Variants in EPHA1 observed in about 807,000 individuals in gnomAD.
The protein encoded by EPHA1 is ephrin type-A receptor 1.
EPHA1 carries 92 observed loss-of-function variants against 110.1 expected under a neutral mutation model. That is an observed-to-expected ratio of 0.84 (90% confidence interval 0.71 to 0.99). The LOEUF (loss-of-function observed/expected upper bound fraction) is 0.99, where lower values mean the gene tolerates loss of function less well. Among genes scored for constraint, EPHA1 ranks in the 50% least tolerant of loss-of-function variants. EPHA1 has a pLI of 0.00. For missense variants in EPHA1, 1,204 were observed against 1,285.4 expected, an observed-to-expected ratio of 0.94 and a Z score of 0.97; for synonymous variants, 500 against 516.1, an observed-to-expected ratio of 0.97 and a Z score of 0.42.
chr7:143,397,043 C>A (rs184055138), intron 10 of EPHA1, among the ~76,000 whole-genome samples: 1 of 152,158 alleles, frequency 6.6e-6, no homozygotes, highest in African/African-American at 2.4e-5. Context: ...GACAAGACAG[C>A]GGCACCAGCA....
At chr7:143,391,833 G>T in intron 16 of EPHA1, 58 bp from the exon 17 acceptor site, 1 of 1,590,588 alleles carries the variant, frequency 6.3e-7, no homozygotes. Flanking sequence ...GGTTGGCCTT[G>T]GCCTCTGAGC....
chr7:143,394,913 G>T lies in EPHA1; in HGVS notation c.2247C>A (p.Asp749Glu). The change falls in exon 14 of 18, where the codon GAC becomes GAA. Residue 749 changes from aspartate to glutamate, a missense_variant. Physicochemically the swap from Asp to Glu is conservative, Grantham distance 45 (BLOSUM62 2). Transcript: ENST00000275815. ...TCACCAAGATGTTTCTGGCAGCCAGGTCCCGGTGGACATAATTGTGATTAC... is the reference window on the plus strand; with the variant it reads ...TCACCAAGATGTTTCTGGCAGCCAGTTCCCGGTGGACATAATTGTGATTAC... ...YLSNHNYVHR[D>E]LAARNILVNQ... 1 of 1,614,170 alleles carries T rather than the reference G, an allele frequency of 6.2e-7. No individual in the cohort carries two copies. Among genetic ancestry groups the T allele is most frequent in the Admixed American group, 1.7e-5 (1 of 60,024 alleles).
chr7:143,391,611 G>A lies in EPHA1; in HGVS notation c.2852+9C>T, dbSNP rs1336313638. On this transcript the variant is annotated intron_variant, in intron 17 of 17. Coordinates refer to ENST00000275815, the MANE Select transcript of EPHA1 (RefSeq NM_005232.5). ...GCCCTCCCCTGCCCAGACAGCTCCAGCTCCTTACTCAGCGGTCAGCTCCAG... is the reference window on the plus strand; with the variant it reads ...GCCCTCCCCTGCCCAGACAGCTCCAACTCCTTACTCAGCGGTCAGCTCCAG... 6.2e-7 allele frequency: 1 copy of A among 1,614,038 alleles called. No individual in the cohort carries two copies. The highest frequency in any genetic ancestry group is 1.3e-5 in the African/African-American group (1 of 74,922).
chr7:143,406,381 G>T (rs1805548900), intron 2 of EPHA1, among the ~76,000 whole-genome samples: 1 of 152,228 alleles, frequency 6.6e-6, no homozygotes, highest in Non-Finnish European at 1.5e-5. Flanking sequence ...TCCCTGCAGG[G>T]TGGCTCGCCT....
rs112594963 is a variant in EPHA1 at position 143,397,708 on chromosome 7, T to C, written c.1616-51A>G. On this transcript the variant is annotated intron_variant, in intron 8 of 17. Transcript: ENST00000275815. ...TGTTGGGACTCACAGTCCGTAGGAATGAGGGGGGTTAAAGGGCAGGGCCCT... is the reference window on the plus strand; with the variant it reads ...TGTTGGGACTCACAGTCCGTAGGAACGAGGGGGGTTAAAGGGCAGGGCCCT... 136 of 1,605,624 alleles carry C rather than the reference T, an allele frequency of 8.5e-5. 2 individuals are homozygous for C. The African/African-American group carries it at 1.2e-3, about 14-fold the overall frequency.
chr7:143,398,683 A>T lies in EPHA1; in HGVS notation c.1254T>A (p.Asn418Lys). Residue 418 changes from asparagine to lysine, a missense_variant, in exon 6 of 18, where the codon AAT becomes AAA. By Grantham distance (94) the Asn-to-Lys change is moderately conservative. Coordinates refer to ENST00000275815, the MANE Select transcript of EPHA1 (RefSeq NM_005232.5). ...CTGACACTCCATTTTGGGCTTCCAC[A>T]TTAAAGGTGTAGTTGGCATAAGGTT... ...GLEPYANYTF[N>K]VEAQNGVSGL... is the part of the protein sequence containing the mutation. 6.2e-7 allele frequency: 1 copy of T among 1,614,030 alleles called. No homozygotes were observed. Among genetic ancestry groups the T allele is most frequent in the Non-Finnish European group, 8.5e-7 (1 of 1,179,972 alleles).
chr7:143,394,128 AG>A (rs1230122928), intron 15 of EPHA1, 65 bp downstream of exon 15: 1 of 1,544,162 alleles, frequency 6.5e-7, no homozygotes, highest in African/African-American at 1.4e-5. Context: ...AGGCCATGGG[AG>A]GACCTTGGGA....
At position 143,391,645 on chromosome 7, in the gene EPHA1, C is replaced by G. The variant is rs1162277611; in HGVS notation, c.2827G>C (p.Glu943Gln). 3 of 1,614,028 alleles carry G rather than the reference C, an allele frequency of 1.9e-6. No individual in the cohort carries two copies. Among genetic ancestry groups the G allele is most frequent in the Non-Finnish European group, 2.5e-6 (3 of 1,180,036 alleles). ...TCAGCGGTCAGCTCCAGCACACACT[C>G]CATGGTGTCCAGCCCAGCCGAGTGG... ...HFHSAGLDTM[E>Q]CVLELTAEDL... Residue 943 changes from glutamate (E) to glutamine (Q), a missense_variant, in exon 17 of 18, where the codon GAG becomes CAG. Transcript: ENST00000275815.
rs1445529024 is a variant in EPHA1 at position 143,398,860 on chromosome 7, C to T, written c.1077G>A (p.Gly359=). The T allele has an allele frequency of 6.2e-7, 1 of 1,613,514 alleles. No individual in the cohort carries two copies. Among genetic ancestry groups the T allele is most frequent in the Admixed American group, 1.7e-5 (1 of 60,002 alleles). The change falls in exon 6 of 18, where the codon GGG becomes GGA. Residue 359 remains glycine (G), a synonymous_variant. Coordinates refer to ENST00000275815, the MANE Select transcript of EPHA1 (RefSeq NM_005232.5). ...CACTGTATCTGACATCCTGGCGTCCCCCCGTATCTGCTGGGGGTTCCCAAC... is the reference window on the plus strand; with the variant it reads ...CACTGTATCTGACATCCTGGCGTCCTCCCGTATCTGCTGGGGGTTCCCAAC... ...SLRWEPPADT[G]GRQDVRYSVR...
Position 143,391,319 on chromosome 7 carries a change from T to C in EPHA1, c.*138A>G. Reference sequence around the variant, plus strand: ...GGTTTTCTGGGGTGCAGAGCAGGGTTCTCCTGAAAGTGGGCAGAAGCAGCA... The same window carrying C: ...GGTTTTCTGGGGTGCAGAGCAGGGTCCTCCTGAAAGTGGGCAGAAGCAGCA... On this transcript the variant is annotated 3_prime_UTR_variant, in exon 18 of 18. Transcript: ENST00000275815. 2.0e-6 allele frequency: 2 copies of C among 1,007,476 alleles called. No individual in the cohort carries two copies. Among genetic ancestry groups the C allele is most frequent in the Non-Finnish European group, 2.9e-6 (2 of 678,882 alleles). 62.4% of individuals were successfully genotyped at this position (1,007,476 alleles called of 1,614,324 possible).
At position 143,393,835 on chromosome 7, in the gene EPHA1, C is replaced by T; in HGVS notation, c.2532G>A (p.Arg844=). The T allele has an allele frequency of 6.3e-7, 1 of 1,581,474 alleles. No individual in the cohort carries two copies. Among genetic ancestry groups the T allele is most frequent in the South Asian group, 1.2e-5 (1 of 86,640 alleles). Residue 844 remains arginine (R), a synonymous_variant, in exon 16 of 18, where the codon CGG becomes CGA. Coordinates refer to ENST00000275815, the MANE Select transcript of EPHA1 (RefSeq NM_005232.5). This position sits in a 1 kb window ranked among gnomAD's most constrained non-coding sequence, Gnocchi z 5.6. ...EVMKSIEDGY[R]LPPPVDCPAP... ...CAGGGCAGTCCACAGGAGGGGGCAA[C>T]CGGTACCCATCCTCAATGCTCTTCA... is the stretch of plus-strand genomic sequence containing the variant.
chr7:143,393,157 G>A lies in EPHA1; in HGVS notation c.2696+514C>T, dbSNP rs900273574. On this transcript the variant is annotated intron_variant, in intron 16 of 17. Transcript: ENST00000275815. This position sits in a 1 kb window ranked among gnomAD's most constrained non-coding sequence, Gnocchi z 5.6. ...CAGAAGCCTTCCCAAACCCTGCAAGGCTGCTGCTACCTACCCCACCCCAGC... is the reference window on the plus strand; with the variant it reads ...CAGAAGCCTTCCCAAACCCTGCAAGACTGCTGCTACCTACCCCACCCCAGC... Among the ~76,000 whole-genome samples, 2 of 151,994 alleles carry A rather than the reference G, an allele frequency of 1.3e-5. No individual in the cohort carries two copies. Among genetic ancestry groups the A allele is most frequent in the South Asian group, 4.2e-4 (2 of 4,812 alleles).
At chr7:143,392,204 G>A (rs1805107220) in intron 16 of EPHA1, among the ~76,000 whole-genome samples, 2 of 152,194 alleles carry the variant, frequency 1.3e-5, no homozygotes, top group Admixed American at 1.3e-4. Flanking sequence ...AGTTCCGGGA[G>A]CAGTCCTTCC....
Position 143,399,280 on chromosome 7 carries a change from C to G in EPHA1, c.969G>C (p.Glu323Asp), listed in dbSNP as rs1341375671. The G allele has an allele frequency of 1.2e-6, 2 of 1,611,706 alleles. No individual in the cohort carries two copies. The highest frequency in any genetic ancestry group is 2.7e-5 in the African/African-American group (2 of 74,856). ...CACCTGTGCATGCCACCTGGGGGCCCTCCCCGGGAGCTCTGTAATGGCCGC... is the reference window on the plus strand; with the variant it reads ...CACCTGTGCATGCCACCTGGGGGCCGTCCCCGGGAGCTCTGTAATGGCCGC... Reference protein sequence around the residue: ...CESGHYRAPGEGPQVACTGPP... With the variant: ...CESGHYRAPGDGPQVACTGPP... The change falls in exon 5 of 18, where the codon GAG (glutamate) becomes GAC (aspartate). Residue 323 changes from glutamate to aspartate, a missense_variant. Transcript: ENST00000275815.
At chr7:143,402,317 C>A (rs1240673170) in intron 2 of EPHA1, among the ~76,000 whole-genome samples, 2 of 152,270 alleles carry the variant, frequency 1.3e-5, no homozygotes, top group African/African-American at 4.8e-5. Flanking sequence ...TCAATTATAG[C>A]CATCATCGAA....
chr7:143,407,628 C>G lies in EPHA1; in HGVS notation c.133G>C (p.Asp45His), dbSNP rs755797395. The change falls in exon 2 of 18, where the codon GAT becomes CAT. Residue 45 changes from aspartate to histidine, a missense_variant. Coordinates refer to ENST00000275815, the MANE Select transcript of EPHA1 (RefSeq NM_005232.5). ...ACACTTACCCCATCTTTTGGGGGATCCAGCAGCCAGCCCAGCTCTCCCTGT... is the reference window on the plus strand; with the variant it reads ...ACACTTACCCCATCTTTTGGGGGATGCAGCAGCCAGCCCAGCTCTCCCTGT... ...KAQGELGWLL[D>H]PPKDGWSEQQ... The G allele has an allele frequency of 4.3e-6, 7 of 1,613,360 alleles. No individual in the cohort carries two copies. In the African/African-American group the frequency reaches 8.0e-5, roughly 18 times the overall value.
rs921421532 is a variant in EPHA1 at position 143,400,057 on chromosome 7, G to C, written c.433-4C>G. 6.3e-7 allele frequency: 1 copy of C among 1,587,190 alleles called. No individual in the cohort carries two copies. The highest frequency in any genetic ancestry group is 2.3e-5 in the East Asian group (1 of 44,420). On this transcript the variant is annotated splice_polypyrimidine_tract_variant and splice_region_variant and intron_variant, in intron 3 of 17. Transcript: ENST00000275815. ...GGTCTGCAGCCACCGTGGTTACCTG[G>C]GTAGAAGGTGGGGAAGAAAGGGGAG... is the stretch of plus-strand genomic sequence containing the variant.
chr7:143,392,291 G>A (rs888510205), intron 16 of EPHA1, among the ~76,000 whole-genome samples: 3 of 152,118 alleles, frequency 2.0e-5, no homozygotes, highest in Non-Finnish European at 2.9e-5. Flanking sequence ...ACTAAAGCTC[G>A]CCAGAGCCAA....
At position 143,395,092 on chromosome 7, in the gene EPHA1, C is replaced by T; in HGVS notation, c.2145+29G>A. 2 of 1,614,060 alleles carry T rather than the reference C, an allele frequency of 1.2e-6. No individual in the cohort carries two copies. Among genetic ancestry groups the T allele is most frequent in the South Asian group, 1.1e-5 (1 of 91,082 alleles). On this transcript the variant is annotated intron_variant, in intron 13 of 17. Coordinates refer to ENST00000275815, the MANE Select transcript of EPHA1 (RefSeq NM_005232.5). This position sits in a 1 kb window ranked among gnomAD's most constrained non-coding sequence, Gnocchi z 4.7. ...GCCCAGGGTACCATGGTGCATCCCC[C>T]TCCCCAGCTAGTCCTCTGCCCTCCT...
Sources: allele counts gnomAD v4.1 joint callset (sites outside exome capture counted in the v4.1 genomes callset), GRCh38; gene constraint gnomAD v4.1.1; non-coding constraint Gnocchi (gnomAD v3.1); transcripts MANE v1.5; gene names NCBI Gene and HGNC (gene_info 2026-07-23, HGNC 2026-07-21).